NCF4: variants seen among roughly 807,000 people sequenced by gnomAD.
The protein encoded by NCF4 is neutrophil cytosol factor 4.
NCF4 carries 30 observed loss-of-function variants against 41.7 expected under a neutral mutation model. The observed-to-expected ratio is 0.72, with a 90% confidence interval of 0.54 to 0.97. NCF4 has a LOEUF of 0.97. NCF4 is among the 50% of genes least tolerant of loss of function. The pLI is 0.00. For missense variants in NCF4, 432 were observed against 460.9 expected (o/e 0.94, Z 0.57); for synonymous variants, 195 against 175.8 (o/e 1.11, Z -0.87).
At chr22:36,864,841 CT>C in intron 2 of NCF4, 77 bp from the exon 3 acceptor site, 2 of 1,564,602 alleles carry the variant, frequency 1.3e-6, no homozygotes, top group African/African-American at 2.7e-5. Context: ...CCTCCTCCTC[CT>C]CCCCTTTTCC....
chr22:36,873,903 A>G (rs4821548), intron 7 of NCF4, among the ~76,000 whole-genome samples: 131,107 of 152,264 alleles, frequency 0.86, 56,758 homozygotes, highest in African/African-American at 0.95. Context: ...TACCTTGCCC[A>G]CAGCAGTAAA....
intron 4 of NCF4, among the ~76,000 whole-genome samples, chr22:36,868,054 G>A (rs754152938): frequency 1.7e-4 from 26 of 152,218 alleles, no homozygotes; most frequent in African/African-American, 6.0e-4. Flanking sequence ...AGATGGGAGC[G>A]TAGAGGAAGG....
In NCF4 at chr22:36,861,198, C is replaced by G; in HGVS notation, c.27C>G (p.Ala9=). The G allele has an allele frequency of 2.6e-6, 4 of 1,551,460 alleles. No homozygotes were observed. Among genetic ancestry groups the G allele is most frequent in the Non-Finnish European group, 2.6e-6 (3 of 1,146,826 alleles). Residue 9 remains alanine, a synonymous_variant, in exon 1 of 10, where the codon GCC becomes GCG. Transcript: ENST00000248899. ...TGGCTGTGGCCCAGCAGCTGCGGGC[C>G]GAGAGGTGAGTGCCGGGGTGTGGCC... MAVAQQLR[A]ESDFEQLPDD...
At chr22:36,862,452 A>T (rs1601544682) in intron 1 of NCF4, among the ~76,000 whole-genome samples, 1 of 152,304 alleles carries the variant, frequency 6.6e-6, no homozygotes, top group Admixed American at 6.5e-5. Flanking sequence ...AGCCGCACGC[A>T]AACTCGAATC....
At chr22:36,866,948 G>A (rs1367748810) in intron 3 of NCF4, among the ~76,000 whole-genome samples, 1 of 152,090 alleles carries the variant, frequency 6.6e-6, no homozygotes, top group Non-Finnish European at 1.5e-5. Context: ...CCTGCCCCCG[G>A]AGATTCTGAT....
chr22:36,870,515 G>A lies in NCF4; in HGVS notation c.443G>A (p.Arg148His), dbSNP rs376709783. Residue 148 changes from arginine (R) to histidine (H), a missense_variant, in exon 5 of 10, where the codon CGC (arginine) becomes CAC (histidine). By Grantham distance (29) the Arg-to-His change is conservative. Coordinates refer to ENST00000248899, the MANE Select transcript of NCF4 (RefSeq NM_000631.5). The part of the protein sequence containing the change: ...YDSEQVPQAL[R>H]RLRPRTRKVK... ...TCAGAGCAGGTGCCCCAGGCACTCC[G>A]CCGGCTCCGCCCGCGCACCCGGAAA... 11 of 1,613,176 alleles carry A rather than the reference G, an allele frequency of 6.8e-6. No homozygotes were observed. The highest frequency in any genetic ancestry group is 3.3e-5 in the South Asian group (3 of 91,086).
intron 6 of NCF4, 130 bp downstream of exon 6, chr22:36,871,839 G>T: frequency 8.8e-7 from 1 of 1,140,458 alleles, no homozygotes; most frequent in South Asian, 1.3e-5. Flanking sequence ...CCAGGAGGAA[G>T]GAAGGGGTTA....
intron 1 of NCF4, 97 bp from the exon 2 acceptor site, chr22:36,863,946 TCA>T: frequency 8.7e-7 from 1 of 1,146,106 alleles, no homozygotes; most frequent in Non-Finnish European, 1.3e-6. Flanking sequence ...AATGTTGGCT[TCA>T]CAACATTAGT....
At chr22:36,863,516 G>A (rs943442076) in intron 1 of NCF4, among the ~76,000 whole-genome samples, 16 of 42,422 alleles carry the variant, frequency 3.8e-4, no homozygotes, top group Admixed American at 1.9e-3. Flanking sequence ...CCTCGTGAGC[G>A]GGCCCTGCCT....
In NCF4 at chr22:36,871,661, G is replaced by A. The variant is rs1940057733; in HGVS notation, c.480G>A (p.Val160=). 1 of 1,570,458 alleles carries A rather than the reference G, an allele frequency of 6.4e-7. No homozygotes were observed. Among genetic ancestry groups the A allele is most frequent in the Non-Finnish European group, 8.6e-7 (1 of 1,156,750 alleles). The part of the protein sequence containing the change: ...LRPRTRKVKS[V]SPQGNSVDRM... ...TCTTCTCTCTCCACAGCAAGAGCGT[G>A]TCCCCACAGGGCAACAGCGTTGACC... Residue 160 remains valine (V), a synonymous_variant, in exon 6 of 10, where the codon GTG becomes GTA. Coordinates refer to ENST00000248899, the MANE Select transcript of NCF4 (RefSeq NM_000631.5).
chr22:36,863,943 G>A, intron 1 of NCF4, 102 bp from the exon 2 acceptor site: 2 of 1,104,418 alleles, frequency 1.8e-6, no homozygotes, highest in Non-Finnish European at 2.8e-6. Flanking sequence ...ACGAATGTTG[G>A]CTTCACAACA....
chr22:36,872,690 T>TG (rs1331229366), intron 7 of NCF4, among the ~76,000 whole-genome samples: 6 of 115,622 alleles, frequency 5.2e-5, no homozygotes, highest in Non-Finnish European at 1.1e-4. Context: ...AGATTGGAGG[T>TG]AAGGTTGGAG....
chr22:36,862,037 C>T (rs1015319908), intron 1 of NCF4, among the ~76,000 whole-genome samples: 10 of 152,212 alleles, frequency 6.6e-5, no homozygotes, highest in Non-Finnish European at 1.5e-4. Flanking sequence ...GCTTGGAGCA[C>T]GGCCTCACCA....
At chr22:36,868,128 G>A (rs1007899548) in intron 4 of NCF4, among the ~76,000 whole-genome samples, 1 of 152,264 alleles carries the variant, frequency 6.6e-6, no homozygotes, top group Admixed American at 6.5e-5. Flanking sequence ...AGCCATCCAG[G>A]AAAGGGGCAG....
intron 5 of NCF4, 36 bp from the exon 6 acceptor site, chr22:36,871,616 T>A (rs199744261): frequency 2.8e-4 from 437 of 1,552,500 alleles, no homozygotes; most frequent in Non-Finnish European, 3.6e-4. Flanking sequence ...CCTGAGAGAA[T>A]CACAGGGCTA....
In NCF4 at chr22:36,872,362, G is replaced by A; in HGVS notation, c.564G>A (p.Glu188=). ...LFDFTGNSKL[E]LNFKAGDVIF... is the part of the protein sequence containing the mutation. Reference sequence around the variant, plus strand: ...ACTTCACTGGAAACAGCAAACTGGAGCTGAATTTCAAAGCTGGAGATGTGA... The same window carrying A: ...ACTTCACTGGAAACAGCAAACTGGAACTGAATTTCAAAGCTGGAGATGTGA... The change falls in exon 7 of 10, where the codon GAG becomes GAA. Residue 188 remains glutamate, a synonymous_variant. Transcript: ENST00000248899. The A allele has an allele frequency of 6.2e-7, 1 of 1,613,574 alleles. No individual in the cohort carries two copies. The highest frequency in any genetic ancestry group is 1.1e-5 in the South Asian group (1 of 91,078).
At chr22:36,870,658 A>T in intron 5 of NCF4, 116 bp downstream of exon 5, 3 of 1,368,240 alleles carry the variant, frequency 2.2e-6, no homozygotes, top group Non-Finnish European at 3.0e-6. Context: ...ATCCCTGGAC[A>T]CTCCAGGATG....
intron 9 of NCF4, among the ~76,000 whole-genome samples, chr22:36,877,180 A>C (rs945829111): frequency 6.6e-6 from 1 of 151,598 alleles, no homozygotes; most frequent in Non-Finnish European, 1.5e-5. Flanking sequence ...TCTGTTGCCC[A>C]GGCTGGAGTG....
intron 1 of NCF4, among the ~76,000 whole-genome samples, chr22:36,863,465 C>T (rs989115824): frequency 6.7e-6 from 1 of 150,238 alleles, no homozygotes; most frequent in Non-Finnish European, 1.5e-5. Flanking sequence ...CCCCCACCAC[C>T]CCAGGGAAAA....
Sources: allele counts gnomAD v4.1 joint callset (sites outside exome capture counted in the v4.1 genomes callset), GRCh38; gene constraint gnomAD v4.1.1; transcripts MANE v1.5; gene names NCBI Gene and HGNC (gene_info 2026-07-23, HGNC 2026-07-21).